Variants in CDC14B observed in about 807,000 individuals in gnomAD.
CDC14B encodes the protein cell division cycle 14B.
In CDC14B, 22 loss-of-function variants were observed where a neutral mutation model predicts 64.2. The observed-to-expected ratio is 0.34, with a 90% CI of 0.24 to 0.49. The LOEUF (loss-of-function observed/expected upper bound fraction) is 0.49. CDC14B is among the 20% of genes least tolerant of loss of function. The pLI is 0.99. For missense variants in CDC14B, 498 were observed against 629.9 expected (o/e 0.79, Z 2.24); for synonymous variants, 191 against 215.8 (o/e 0.89, Z 1.01).
At chr9:96,496,550 T>G (rs538102578), downstream of CDC14B, among the ~76,000 whole-genome samples, 8 of 152,308 alleles carry the variant, frequency 5.3e-5, no homozygotes, top group South Asian at 4.1e-4. Context: ...GGCCAGTGAG[T>G]GCTGAGTGGA....
rs141484623 is a variant in CDC14B at position 96,532,142 on chromosome 9, T to C, written c.946+1785A>G. Among the ~76,000 whole-genome samples the C allele has an allele frequency of 4.1e-3, 628 of 152,370 alleles. 1 individual carries two copies. Among genetic ancestry groups the C allele is most frequent in the Middle Eastern group, 0.031 (9 of 294 alleles). On this transcript the variant is annotated intron_variant, in intron 9 of 13. Transcript: ENST00000375241. ...TAATAATATTTTACAAATTATCTCG[T>C]TACGATAATACTAGCTTTTATAATG...
intron 1 of CDC14B, among the ~76,000 whole-genome samples, chr9:96,608,892 GACAC>G (rs59953256): frequency 0.072 from 10,311 of 144,146 alleles, 975 homozygotes; most frequent in African/African-American, 0.22. Context: ...TTAAAACACA[GACAC>G]ACACACACAC....
At chr9:96,533,360 G>A (rs1838786383) in intron 9 of CDC14B, among the ~76,000 whole-genome samples, 1 of 152,108 alleles carries the variant, frequency 6.6e-6, no homozygotes, top group Non-Finnish European at 1.5e-5. Flanking sequence ...GTGATGTTTT[G>A]CCATTATATT....
intron 1 of CDC14B, chr9:96,566,920 G>C: frequency 1.3e-6 from 2 of 1,526,534 alleles, no homozygotes; most frequent in Non-Finnish European, 1.8e-6. Flanking sequence ...AAAGTTTAAA[G>C]GGCCGCGCGG....
At chr9:96,584,685 G>A (rs767625637) in intron 1 of CDC14B, among the ~76,000 whole-genome samples, 15 of 152,086 alleles carry the variant, frequency 9.9e-5, no homozygotes, top group South Asian at 2.1e-4. Context: ...ACGGAGTCCC[G>A]CTTTGTCGCC....
intron 9 of CDC14B, among the ~76,000 whole-genome samples, chr9:96,525,677 G>A (rs1232222257): frequency 6.6e-6 from 1 of 152,170 alleles, no homozygotes; most frequent in African/African-American, 2.4e-5. Context: ...CTTTCTTCTG[G>A]TTTCTCCCTT....
chr9:96,597,501 G>GAAAAAAAAAA (rs1217556598), intron 1 of CDC14B, among the ~76,000 whole-genome samples: 1 of 66,810 alleles, frequency 1.5e-5, no homozygotes, highest in Admixed American at 1.6e-4. Context: ...TTCCAAAAAA[G>GAAAAAAAAAA]AAAAAAAAAA....
chr9:96,580,308 C>T (rs1326765870), intron 1 of CDC14B, among the ~76,000 whole-genome samples: 3 of 151,484 alleles, frequency 2.0e-5, no homozygotes, highest in African/African-American at 7.3e-5. Context: ...CTCAGCTCAC[C>T]GCAACCTCCG....
chr9:96,558,600 C>T (rs1842782739), intron 4 of CDC14B, among the ~76,000 whole-genome samples: 1 of 152,168 alleles, frequency 6.6e-6, no homozygotes, highest in African/African-American at 2.4e-5. Context: ...TTGTGTATGA[C>T]ATTTTTACAA....
At position 96,607,761 on chromosome 9, in the gene CDC14B, G is replaced by A. The variant is rs1045823435; in HGVS notation, c.160+11458C>T. On this transcript the variant is annotated intron_variant, in intron 1 of 13. Transcript: ENST00000375241. ...CATTCTTGTTAGTGGCAGAATACAC[G>A]AGCAATGTGGGACGGGTCTGGGGAA... Among the ~76,000 whole-genome samples the A allele has an allele frequency of 2.1e-4, 32 of 152,242 alleles. 1 individual carries two copies. The highest frequency in any genetic ancestry group is 1.8e-3 in the Admixed American group (27 of 15,294).
rs1049597130 is a variant in CDC14B, at chr9:96,515,570, A to G, written c.1344-5781T>C. On this transcript the variant is annotated intron_variant, in intron 12 of 13. Coordinates refer to ENST00000375241, the MANE Select transcript of CDC14B (RefSeq NM_033331.4). This position sits in a 1 kb window ranked among gnomAD's most constrained non-coding sequence, Gnocchi z 4.3. ...AAACCAACAAAGCTAGGAGCTGACA[A>G]GGAGAAAAACATGCATTGTGGGAAC... The G allele has an allele frequency of 1.3e-5, 18 of 1,346,738 alleles. No individual in the cohort carries two copies. The African/African-American group carries it at 2.5e-4, about 19-fold the overall frequency. 83.4% of individuals were successfully genotyped at this position (1,346,738 alleles called of 1,614,324 possible).
Position 96,565,469 on chromosome 9 carries a change from C to T in CDC14B, c.175G>A (p.Ala59Thr). ...CTCTTTGGTCTGCTGTAGAGAATGGCAAAACAAAGGCGATCTGAAATGGAA... is the reference window on the plus strand; with the variant it reads ...CTCTTTGGTCTGCTGTAGAGAATGGTAAAACAAAGGCGATCTGAAATGGAA... ...YLDITDRLCF[A>T]ILYSRPKSAS... Residue 59 changes from alanine to threonine, a missense_variant, in exon 2 of 14, where the codon GCC (alanine) becomes ACC (threonine). Coordinates refer to ENST00000375241, the MANE Select transcript of CDC14B (RefSeq NM_033331.4). 1 of 1,610,176 alleles carries T rather than the reference C, an allele frequency of 6.2e-7. No individual in the cohort carries two copies. Among genetic ancestry groups the T allele is most frequent in the Non-Finnish European group, 8.5e-7 (1 of 1,176,622 alleles).
chr9:96,495,186 A>C (rs1833196476), downstream of CDC14B, among the ~76,000 whole-genome samples: 1 of 152,070 alleles, frequency 6.6e-6, no homozygotes, highest in African/African-American at 2.4e-5. Flanking sequence ...GAATTACATA[A>C]CTTTGGGAGC....
At chr9:96,549,163 T>C (rs1210683852) in intron 5 of CDC14B, among the ~76,000 whole-genome samples, 2 of 152,126 alleles carry the variant, frequency 1.3e-5, no homozygotes, top group Non-Finnish European at 2.9e-5. Context: ...TACTATACTA[T>C]TACATATCCA....
intron 1 of CDC14B, among the ~76,000 whole-genome samples, chr9:96,601,815 A>ACAAAACAAAACAAAAACTAACTG: frequency 7.0e-6 from 1 of 143,612 alleles, no homozygotes; most frequent in East Asian, 2.0e-4. Context: ...AAAAAAAAAA[A>ACAAAACAAAACAAAAACTAACTG]TTGGGAGGCC....
intron 12 of CDC14B, among the ~76,000 whole-genome samples, chr9:96,513,449 CA>C (rs1341423381): frequency 2.7e-5 from 4 of 150,662 alleles, no homozygotes; most frequent in Admixed American, 6.6e-5. Context: ...CATGGCTTTG[CA>C]GAGCAGTGTG....
At chr9:96,617,929 A>T (rs1847737750) in intron 1 of CDC14B, among the ~76,000 whole-genome samples, 1 of 152,172 alleles carries the variant, frequency 6.6e-6, no homozygotes, top group Non-Finnish European at 1.5e-5. Flanking sequence ...CTCTCCTGGG[A>T]AGGGCACAAC....
intron 5 of CDC14B, among the ~76,000 whole-genome samples, chr9:96,551,564 C>T (rs1841850577): frequency 6.6e-6 from 1 of 152,004 alleles, no homozygotes; most frequent in Non-Finnish European, 1.5e-5. Context: ...GGGATTTTAC[C>T]AGCATCTAGT....
At chr9:96,566,762 GCTCA>G (rs765972044) in intron 1 of CDC14B, 1 of 1,604,662 alleles carries the variant, frequency 6.2e-7, no homozygotes, top group Non-Finnish European at 8.5e-7. Context: ...CGCCCTCCCG[GCTCA>G]CCTTTGATCA....
Sources: allele counts gnomAD v4.1 joint callset (sites outside exome capture counted in the v4.1 genomes callset), GRCh38; gene constraint gnomAD v4.1.1; non-coding constraint Gnocchi (gnomAD v3.1); transcripts MANE v1.5; gene names NCBI Gene and HGNC (gene_info 2026-07-23, HGNC 2026-07-21).